Variants in RMST observed in about 807,000 individuals in gnomAD.
RMST encodes long intergenic non-protein coding RNA 54.
At chr12:97,484,706 TC>T (rs888458624) in intron 5 of RMST, among the ~76,000 whole-genome samples, 2 of 152,170 alleles carry the variant, frequency 1.3e-5, no homozygotes, top group Admixed American at 1.3e-4. Flanking sequence ...GAAAAAGAGC[TC>T]TTCTCTTTCA....
At chr12:97,530,931 TTTTTTGTTTC>T (rs1354734749) in intron 11 of RMST, 4 of 152,032 alleles carry the variant, frequency 2.6e-5, no homozygotes, top group Non-Finnish European at 5.9e-5. Context: ...CATGGGTTCT[TTTTTTGTTTC>T]TTGACCGAAA....
At chr12:97,494,710 C>T (rs540776104) in exon 9 of RMST, 5 of 151,928 alleles carry the variant, frequency 3.3e-5, no homozygotes, top group Admixed American at 1.3e-4. Context: ...CTGAAACCAC[C>T]ACGGTTGTTT....
intron 9 of RMST, among the ~76,000 whole-genome samples, chr12:97,495,189 G>T (rs754734731): frequency 2.7e-5 from 4 of 149,292 alleles, no homozygotes; most frequent in Non-Finnish European, 4.5e-5. Context: ...GGGGGGAGCC[G>T]CTGGGAAAGG....
rs74405730 is a variant in RMST at position 97,495,690 on chromosome 12, G to A, written n.1215-241G>A. ...TAGCTTATGATTTTCCTAAAATGTCGCAAAGATAAGCATCTACTAGATAAT... is the reference window on the plus strand; with the variant it reads ...TAGCTTATGATTTTCCTAAAATGTCACAAAGATAAGCATCTACTAGATAAT... On this transcript the variant is annotated intron_variant and non_coding_transcript_variant, in intron 9 of 13. Coordinates refer to ENST00000640149, the Ensembl canonical transcript of RMST. Among the ~76,000 whole-genome samples the A allele has an allele frequency of 4.9e-3, 749 of 152,026 alleles. 6 individuals carry two copies. The highest frequency in any genetic ancestry group is 0.017 in the African/African-American group (707 of 41,476).
At chr12:97,564,677 CTCTT>C (rs1020783383) in exon 14 of RMST, 4 of 152,124 alleles carry the variant, frequency 2.6e-5, no homozygotes, top group African/African-American at 9.7e-5. Flanking sequence ...CTTCCTTCCC[CTCTT>C]TCTATTTTCT....
chr12:97,526,978 T>A (rs913296629), intron 10 of RMST, among the ~76,000 whole-genome samples: 1 of 152,170 alleles, frequency 6.6e-6, no homozygotes, highest in African/African-American at 2.4e-5. Context: ...GTTTACTAAC[T>A]TGCCCAAAGT....
intron 10 of RMST, among the ~76,000 whole-genome samples, chr12:97,496,726 A>AG (rs1408675618): frequency 6.6e-5 from 10 of 152,144 alleles, no homozygotes; most frequent in African/African-American, 2.4e-4. Context: ...AGAAAGAGTG[A>AG]GGAAAAACAT....
intron 11 of RMST, among the ~76,000 whole-genome samples, chr12:97,554,079 C>T (rs545016885): frequency 5.9e-5 from 9 of 151,614 alleles, no homozygotes; most frequent in East Asian, 1.9e-4. Flanking sequence ...CTCAGCCTCC[C>T]GATTAGCTGG....
intron 11 of RMST, among the ~76,000 whole-genome samples, chr12:97,539,122 G>A (rs1267770549): frequency 6.6e-6 from 1 of 151,474 alleles, no homozygotes; most frequent in African/African-American, 2.4e-5. Context: ...TAAAATTTGT[G>A]TGCATTACAG....
chr12:97,474,771 TC>T (rs1171877660), intron 5 of RMST, among the ~76,000 whole-genome samples: 1 of 152,100 alleles, frequency 6.6e-6, no homozygotes, highest in Non-Finnish European at 1.5e-5. Flanking sequence ...ATTCAGCTAT[TC>T]CCAGTTTCAC....
chr12:97,515,162 A>C (rs1358360856), intron 10 of RMST, among the ~76,000 whole-genome samples: 1 of 152,086 alleles, frequency 6.6e-6, no homozygotes, highest in Non-Finnish European at 1.5e-5. Flanking sequence ...TATGTTTCTG[A>C]TATGATTTAT....
At chr12:97,483,293 T>C (rs775007350) in intron 5 of RMST, 3 of 152,182 alleles carry the variant, frequency 2.0e-5, no homozygotes, top group South Asian at 2.1e-4. Flanking sequence ...CATGTATAGA[T>C]AGGTTTTTTA....
chr12:97,499,113 G>T (rs1427871090), intron 10 of RMST, among the ~76,000 whole-genome samples: 8 of 152,118 alleles, frequency 5.3e-5, no homozygotes, highest in African/African-American at 1.9e-4. Flanking sequence ...AGGAATGTCT[G>T]TCAGCTTTTT....
intron 11 of RMST, among the ~76,000 whole-genome samples, chr12:97,539,667 C>T (rs192648945): frequency 2.0e-5 from 3 of 151,462 alleles, no homozygotes; most frequent in South Asian, 2.1e-4. Context: ...GAGATGCGAA[C>T]GTGTTTTGTG....
At chr12:97,532,822 A>G (rs888715679) in intron 11 of RMST, 9 of 151,884 alleles carry the variant, frequency 5.9e-5, no homozygotes, top group African/African-American at 2.2e-4. Context: ...AAATGGGAAT[A>G]TAATAAATGT....
chr12:97,485,061 C>T (rs186783437), intron 5 of RMST, among the ~76,000 whole-genome samples: 2 of 152,272 alleles, frequency 1.3e-5, no homozygotes, highest in Admixed American at 1.3e-4. Flanking sequence ...TTAACATCCC[C>T]TTAGGAGAAT....
intron 10 of RMST, among the ~76,000 whole-genome samples, chr12:97,496,891 G>A (rs1462371558): frequency 6.6e-6 from 1 of 152,148 alleles, no homozygotes; most frequent in African/African-American, 2.4e-5. Context: ...AGTCATCTTG[G>A]ATAGGTGAAT....
chr12:97,516,641 TAATTATATAG>T (rs1879966175), intron 10 of RMST, among the ~76,000 whole-genome samples: 1 of 152,058 alleles, frequency 6.6e-6, no homozygotes, highest in African/African-American at 2.4e-5. Flanking sequence ...TAAATCTTCC[TAATTATATAG>T]AGAAATTCAT....
intron 13 of RMST, chr12:97,563,568 C>A (rs1271561097): frequency 6.2e-6 from 2 of 323,342 alleles, no homozygotes; most frequent in Non-Finnish European, 1.2e-5. Context: ...TTCCCAGTGT[C>A]CTTTGTTTTT....
Sources: allele counts gnomAD v4.1 joint callset (sites outside exome capture counted in the v4.1 genomes callset), GRCh38; gene constraint gnomAD v4.1.1; transcripts MANE v1.5; gene names NCBI Gene and HGNC (gene_info 2026-07-23, HGNC 2026-07-21).